Variants in DLG2 observed in about 807,000 individuals in gnomAD.
DLG2 encodes the protein discs large MAGUK scaffold protein 2.
DLG2 carries 45 observed loss-of-function variants against 132.5 expected under a neutral mutation model. The ratio of observed to expected loss-of-function variants is 0.34; its 90% CI spans 0.27 to 0.44. The LOEUF (loss-of-function observed/expected upper bound fraction) is 0.44. DLG2 is among the 20% of genes least tolerant of loss of function. The probability of loss-of-function intolerance (pLI) is 1.00; values close to 1 mark genes in which losing one functional copy is unlikely to be tolerated. For missense variants in DLG2, 1,045 were observed against 1,196.9 expected, an observed-to-expected ratio of 0.87 and a Z score of 1.87; for synonymous variants, 424 against 419.6, an observed-to-expected ratio of 1.01 and a Z score of -0.13.
intron 7 of DLG2, among the ~76,000 whole-genome samples, chr11:84,313,714 A>G (rs969722853): frequency 6.6e-6 from 1 of 151,136 alleles, no homozygotes. Context: ...AAAGGAAAGG[A>G]AGAAAGAAAG....
chr11:83,481,112 C>A (rs2093066386), intron 22 of DLG2, among the ~76,000 whole-genome samples: 1 of 152,068 alleles, frequency 6.6e-6, no homozygotes, highest in African/African-American at 2.4e-5. Context: ...TGGCATGGAA[C>A]AGGCAGGAGA....
At chr11:83,657,663 C>T (rs909316527) in intron 18 of DLG2, among the ~76,000 whole-genome samples, 5 of 151,372 alleles carry the variant, frequency 3.3e-5, no homozygotes, top group African/African-American at 4.9e-5. Context: ...CTCAGCCTCC[C>T]GAGTAGCTGG....
intron 11 of DLG2, among the ~76,000 whole-genome samples, chr11:84,014,885 A>T (rs1315710729): frequency 1.3e-5 from 2 of 151,780 alleles, no homozygotes; most frequent in African/African-American, 4.8e-5. Flanking sequence ...AAAGGCCAAC[A>T]TCTACACAGC....
chr11:85,542,599 C>T (rs770559158), intron 3 of DLG2, among the ~76,000 whole-genome samples: 2 of 152,104 alleles, frequency 1.3e-5, no homozygotes, highest in African/African-American at 4.8e-5. Context: ...TACAAAGAAT[C>T]CTGACTTGTT....
intron 6 of DLG2, among the ~76,000 whole-genome samples, chr11:84,697,294 C>A (rs2058715805): frequency 6.6e-6 from 1 of 151,430 alleles, no homozygotes; most frequent in African/African-American, 2.4e-5. Context: ...TCTAATATGA[C>A]AAGCCAACAT....
rs549118441 is a variant in DLG2 at position 85,425,817 on chromosome 11, C to A, written c.41-140452G>T. On this transcript the variant is annotated intron_variant, in intron 3 of 27. Transcript: ENST00000376104. ...AGGACAGTGGGTGCAGCACACCAAGCAAGAGCCGAAGCAGGGCAAGGCATC... is the reference window on the plus strand; with the variant it reads ...AGGACAGTGGGTGCAGCACACCAAGAAAGAGCCGAAGCAGGGCAAGGCATC... 2.0e-5 allele frequency among the ~76,000 whole-genome samples: 3 copies of A among 152,230 alleles called. No individual in the cohort carries two copies. In the South Asian group the frequency reaches 6.2e-4, roughly 32 times the overall value.
At chr11:84,570,481 G>C (rs574059727) in intron 6 of DLG2, among the ~76,000 whole-genome samples, 2 of 152,136 alleles carry the variant, frequency 1.3e-5, no homozygotes, top group Non-Finnish European at 2.9e-5. Context: ...TGAAAGATAG[G>C]ATAGTGTGCA....
At chr11:84,581,970 C>T (rs1381047714) in intron 6 of DLG2, among the ~76,000 whole-genome samples, 2 of 145,184 alleles carry the variant, frequency 1.4e-5, no homozygotes, top group East Asian at 4.1e-4. Context: ...TTAAAAATAT[C>T]AACATTGATT....
At chr11:83,747,279 C>T (rs1319492991) in intron 18 of DLG2, among the ~76,000 whole-genome samples, 1 of 59,918 alleles carries the variant, frequency 1.7e-5, no homozygotes, top group African/African-American at 5.0e-5. Flanking sequence ...TTAAAATCTT[C>T]CTTCCTTCCT....
At chr11:83,774,688 A>G (rs1386406324) in intron 18 of DLG2, among the ~76,000 whole-genome samples, 1 of 152,160 alleles carries the variant, frequency 6.6e-6, no homozygotes, top group Non-Finnish European at 1.5e-5. Flanking sequence ...TATGGTGCAA[A>G]GGGCTGATTA....
At chr11:84,885,062 T>G (rs1260922857) in intron 6 of DLG2, among the ~76,000 whole-genome samples, 1 of 152,072 alleles carries the variant, frequency 6.6e-6, no homozygotes, top group African/African-American at 2.4e-5. Flanking sequence ...CCTGCATCAC[T>G]CACCTCACTT....
At position 84,536,256 on chromosome 11, in the gene DLG2, A is replaced by G. The variant is rs78449930; in HGVS notation, c.358-1525T>C. ...GAGAAAACTAACACTCCAAGAAGTT[A>G]AGGTACTTGTCAAGAGTCACCTTAA... is the stretch of plus-strand genomic sequence containing the variant. On this transcript the variant is annotated intron_variant, in intron 6 of 27. Transcript: ENST00000376104. Among the ~76,000 whole-genome samples, 858 of 152,284 alleles carry G rather than the reference A, an allele frequency of 5.6e-3. 8 individuals are homozygous for G. Among genetic ancestry groups the G allele is most frequent in the African/African-American group, 0.02 (817 of 41,558 alleles).
chr11:85,462,993 C>T (rs1218312072), intron 3 of DLG2, among the ~76,000 whole-genome samples: 1 of 152,156 alleles, frequency 6.6e-6, no homozygotes, highest in African/African-American at 2.4e-5. Flanking sequence ...TATGAGTAGA[C>T]AGCGAGAAGG....
chr11:85,413,900 T>C (rs1045252030), intron 3 of DLG2, among the ~76,000 whole-genome samples: 2 of 152,096 alleles, frequency 1.3e-5, no homozygotes, highest in South Asian at 2.1e-4. Flanking sequence ...TTTGGTTCTA[T>C]ATGACATTTA....
At chr11:83,682,094 A>T in intron 18 of DLG2, 2 of 982,576 alleles carry the variant, frequency 2.0e-6, no homozygotes, top group African/African-American at 3.5e-5. Flanking sequence ...GCCTATTCCA[A>T]ACTATGGGTA....
At chr11:83,914,149 T>A (rs138271753) in intron 15 of DLG2, among the ~76,000 whole-genome samples, 7 of 152,098 alleles carry the variant, frequency 4.6e-5, no homozygotes, top group African/African-American at 1.7e-4. Flanking sequence ...CTGGGAGAGG[T>A]GTTTTGGTTG....
intron 4 of DLG2, among the ~76,000 whole-genome samples, chr11:85,279,147 A>T (rs1262135346): frequency 6.6e-6 from 1 of 152,182 alleles, no homozygotes; most frequent in African/African-American, 2.4e-5. Flanking sequence ...CCAGGTCAAG[A>T]ACTAGAATAT....
At chr11:84,517,437 A>C (rs79026529) in intron 7 of DLG2, among the ~76,000 whole-genome samples, 16 of 152,100 alleles carry the variant, frequency 1.1e-4, no homozygotes, top group South Asian at 6.2e-4. Flanking sequence ...AAGTAAAAAA[A>C]CAATGAGATA....
At chr11:84,749,679 C>A (rs2153833346) in intron 6 of DLG2, among the ~76,000 whole-genome samples, 1 of 152,164 alleles carries the variant, frequency 6.6e-6, no homozygotes, top group East Asian at 1.9e-4. Context: ...CAGAACCTAT[C>A]CCTCTCGTTA....
Sources: allele counts gnomAD v4.1 joint callset (sites outside exome capture counted in the v4.1 genomes callset), GRCh38; gene constraint gnomAD v4.1.1; transcripts MANE v1.5; gene names NCBI Gene and HGNC (gene_info 2026-07-23, HGNC 2026-07-21).